The following ZYX variants were observed in gnomAD, a reference collection of about 807,000 sequenced individuals.
The protein encoded by ZYX is zyxin.
In ZYX, 37 loss-of-function variants were observed where a neutral mutation model predicts 58.1. The ratio of observed to expected loss-of-function variants is 0.64; its 90% CI spans 0.49 to 0.84. The LOEUF (loss-of-function observed/expected upper bound fraction) is 0.84, where lower values mean the gene tolerates loss of function less well. Ranked by LOEUF, ZYX falls within the 40% of genes least tolerant of loss-of-function variation. ZYX has a pLI of 0.00. For synonymous variants in ZYX, 324 were observed against 321.1 expected, an observed-to-expected ratio of 1.01 and a Z score of -0.10; for missense variants, 762 against 761.6, an observed-to-expected ratio of 1.00 and a Z score of -0.01.
intron 2 of ZYX, 46 bp from the exon 3 acceptor site, chr7:143,382,202 A>T (rs1389180819): frequency 1.3e-6 from 2 of 1,508,654 alleles, no homozygotes; most frequent in Non-Finnish European, 1.8e-6. Flanking sequence ...AGCTTGGGTG[A>T]GGGGTAGAGG....
In ZYX at chr7:143,388,617, T is replaced by A. The variant is rs1282717100; in HGVS notation, c.1273T>A (p.Tyr425Asn). The part of the protein sequence containing the change: ...CAQQLQGQQF[Y>N]SLEGAPYCEG... The stretch of plus-strand genomic sequence containing the variant: ...GCAGCAGCTCCAGGGCCAGCAGTTC[T>A]ACAGTCTGGAGGGGGCGCCGTACTG... The change falls in exon 7 of 10, where the codon TAC becomes AAC. Residue 425 changes from tyrosine (Y) to asparagine (N), a missense_variant. Coordinates refer to ENST00000322764, the MANE Select transcript of ZYX (RefSeq NM_003461.5). The surrounding 1 kb of genome is among the most constrained non-coding windows in gnomAD (Gnocchi z 7.5). 5.0e-6 allele frequency: 8 copies of A among 1,613,458 alleles called. No individual in the cohort carries two copies. The South Asian group carries it at 7.7e-5, about 15-fold the overall frequency.
At position 143,385,660 on chromosome 7, in the gene ZYX, C is replaced by CTTTTTTTTTTTTTTTTTTTTTTTTTT. The variant is rs59995035; in HGVS notation, c.1023+2339_1023+2364dup. 2.2e-4 allele frequency among the ~76,000 whole-genome samples: 15 copies of CTTTTTTTTTTTTTTTTTTTTTTTTTT among 68,964 alleles called. 1 individual carries two copies. The highest frequency in any genetic ancestry group is 9.5e-4 in the Admixed American group (4 of 4,202). The allele number at this position is 68,964 out of a possible 152,430, so 45.2% of individuals were successfully genotyped here. On this transcript the variant is annotated intron_variant, in intron 5 of 9. Transcript: ENST00000322764. The stretch of plus-strand genomic sequence containing the variant: ...TGTGTGAGCGTGTGGTGTGGTATAT[C>CTTTTTTTTTTTTTTTTTTTTTTTTTT]TTTTTTTTTTTTTTTTTTTTTTTTT...
Position 143,389,822 on chromosome 7 carries a change from T to C in ZYX, c.1494-35T>C, listed in dbSNP as rs1347739865. ...GTGCGCACACCGGGGATGAAAGCCC[T>C]GGCTAACTCGGCTGGCCCTTTCTGC... On this transcript the variant is annotated intron_variant, in intron 8 of 9. Coordinates refer to ENST00000322764, the MANE Select transcript of ZYX (RefSeq NM_003461.5). This position sits in a 1 kb window ranked among gnomAD's most constrained non-coding sequence, Gnocchi z 5.6. 2.5e-6 allele frequency: 4 copies of C among 1,611,408 alleles called. No individual in the cohort carries two copies. The Admixed American group carries it at 6.7e-5, about 27-fold the overall frequency.
Position 143,388,722 on chromosome 7 carries a change from G to A in ZYX, c.1315-45G>A, listed in dbSNP as rs747414710. On this transcript the variant is annotated intron_variant, in intron 7 of 9. Coordinates refer to ENST00000322764, the MANE Select transcript of ZYX (RefSeq NM_003461.5). This position sits in a 1 kb window ranked among gnomAD's most constrained non-coding sequence, Gnocchi z 7.5. ...GGCAGTCGGGCCCTGGAAGCTTGCT[G>A]TGGGGTGCCGGTTCCCTGCCAACCT... 1.9e-6 allele frequency: 3 copies of A among 1,610,082 alleles called. No homozygotes were observed. Among genetic ancestry groups the A allele is most frequent in the Non-Finnish European group, 2.5e-6 (3 of 1,177,450 alleles).
chr7:143,382,507 CCTTT>C, intron 3 of ZYX, 60 bp downstream of exon 3: 1 of 1,580,946 alleles, frequency 6.3e-7, no homozygotes, highest in South Asian at 1.1e-5. Flanking sequence ...AGAAGAGGGC[CCTTT>C]CTTCTTACCT....
At chr7:143,386,276 C>G (rs190277418) in intron 5 of ZYX, among the ~76,000 whole-genome samples, 1 of 151,786 alleles carries the variant, frequency 6.6e-6, no homozygotes, top group Non-Finnish European at 1.5e-5. Flanking sequence ...ATGTCTCCTC[C>G]CCCAGAGGCA....
rs766453615 is a variant in ZYX at position 143,383,196 on chromosome 7, C to T, written c.897C>T (p.Pro299=). 102 of 1,614,070 alleles carry T rather than the reference C, an allele frequency of 6.3e-5. No homozygotes were observed. Among genetic ancestry groups the T allele is most frequent in the Middle Eastern group, 1.6e-4 (1 of 6,084 alleles). The change falls in exon 5 of 10, where the codon CCC becomes CCT. Residue 299 remains proline, a synonymous_variant. Transcript: ENST00000322764. ...GSQPNQKLGH[P]EALSAGTGSP... is the part of the protein sequence containing the mutation. ...AACCAAATCAAAAATTGGGGCACCCCGAAGCTCTTTCTGCTGGCACAGGCT... is the reference window on the plus strand; with the variant it reads ...AACCAAATCAAAAATTGGGGCACCCTGAAGCTCTTTCTGCTGGCACAGGCT...
At chr7:143,386,785 G>A (rs1258697394) in intron 5 of ZYX, among the ~76,000 whole-genome samples, 8 of 152,144 alleles carry the variant, frequency 5.3e-5, no homozygotes, top group African/African-American at 1.9e-4. Context: ...GGCAGATAAT[G>A]GCTGGCAAGA....
At position 143,389,491 on chromosome 7, in the gene ZYX, T is replaced by G. The variant is rs906490134; in HGVS notation, c.1494-366T>G. On this transcript the variant is annotated intron_variant, in intron 8 of 9. Coordinates refer to ENST00000322764, the MANE Select transcript of ZYX (RefSeq NM_003461.5). The surrounding 1 kb of genome is among the most constrained non-coding windows in gnomAD (Gnocchi z 5.6). ...ACAGTCAGGGCAGAGGCAACGTGCA[T>G]GGGGGTGGGAGGATTGGGGGAAGGT... is the stretch of plus-strand genomic sequence containing the variant. Among the ~76,000 whole-genome samples, 1 of 150,984 alleles carries G rather than the reference T, an allele frequency of 6.6e-6. No individual in the cohort carries two copies. Among genetic ancestry groups the G allele is most frequent in the Non-Finnish European group, 1.5e-5 (1 of 67,742 alleles).
In ZYX at chr7:143,390,534, AG is replaced by A; in HGVS notation, c.1615-40del. On this transcript the variant is annotated intron_variant, in intron 9 of 9. Transcript: ENST00000322764. The surrounding 1 kb of genome is among the most constrained non-coding windows in gnomAD (Gnocchi z 4.3). ...GGGGTGGGGTAGGGTGGAGCAGAGC[AG>A]GGGCCTTCCGGTCCAGTGCCCCTCA... is the stretch of plus-strand genomic sequence containing the variant. 7.0e-7 allele frequency: 1 copy of A among 1,426,100 alleles called. No individual in the cohort carries two copies. Among genetic ancestry groups the A allele is most frequent in the Non-Finnish European group, 9.7e-7 (1 of 1,034,288 alleles). The allele number at this position is 1,426,100 out of a possible 1,614,324, so 88.3% of individuals were successfully genotyped here.
Position 143,388,154 on chromosome 7 carries a change from C to T in ZYX, c.1024-65C>T, listed in dbSNP as rs1422660889. On this transcript the variant is annotated intron_variant, in intron 5 of 9. Transcript: ENST00000322764. The surrounding 1 kb of genome is among the most constrained non-coding windows in gnomAD (Gnocchi z 7.5). ...GCCTCATCGGAAGAAGCCGGGTAGG[C>T]TGGCCTGGGAAGGTTCTTGGAGGCA... 8.5e-6 allele frequency: 13 copies of T among 1,526,264 alleles called. No individual in the cohort carries two copies. The South Asian group carries it at 9.9e-5, about 12-fold the overall frequency. 94.5% of individuals were successfully genotyped at this position (1,526,264 alleles called of 1,614,324 possible).
Position 143,381,778 on chromosome 7 carries a change from A to G in ZYX, c.207A>G (p.Glu69=). ...GCGAGATTCCCCCGCCGCCCCCGGAAGGTATGCGGCGGGGCTTGGGGAATG... is the reference window on the plus strand; with the variant it reads ...GCGAGATTCCCCCGCCGCCCCCGGAGGGTATGCGGCGGGGCTTGGGGAATG... ...RVGEIPPPPP[E]DFPLPPPPLA... The change falls in exon 2 of 10, where the codon GAA becomes GAG. Residue 69 remains glutamate (E), a splice_region_variant and synonymous_variant. Coordinates refer to ENST00000322764, the MANE Select transcript of ZYX (RefSeq NM_003461.5). 1 of 1,568,366 alleles carries G rather than the reference A, an allele frequency of 6.4e-7. No homozygotes were observed. Among genetic ancestry groups the G allele is most frequent in the Non-Finnish European group, 8.6e-7 (1 of 1,157,504 alleles).
rs1470775473 is a variant in ZYX at position 143,390,168 on chromosome 7, C to A, written c.1614+191C>A. The A allele has an allele frequency of 1.4e-6, 1 of 731,940 alleles. No homozygotes were observed. Among genetic ancestry groups the A allele is most frequent in the Non-Finnish European group, 2.2e-6 (1 of 460,590 alleles). The allele number at this position is 731,940 out of a possible 1,614,324, so 45.3% of individuals were successfully genotyped here. A position where few individuals can be genotyped will look rare whatever the true frequency, so the allele number is the denominator to read the frequency against. On this transcript the variant is annotated intron_variant, in intron 9 of 9. Coordinates refer to ENST00000322764, the MANE Select transcript of ZYX (RefSeq NM_003461.5). This position sits in a 1 kb window ranked among gnomAD's most constrained non-coding sequence, Gnocchi z 4.3. ...CACTGCAGGAAATGGGGCTGTGGGG[C>A]TTCTGAGGTCACTTTGAGTCATGGA...
Position 143,388,427 on chromosome 7 carries a change from C to G in ZYX, c.1145-62C>G. 1 of 1,604,276 alleles carries G rather than the reference C, an allele frequency of 6.2e-7. No individual in the cohort carries two copies. Among genetic ancestry groups the G allele is most frequent in the South Asian group, 1.1e-5 (1 of 90,468 alleles). ...TGGCTCCACTCCCTATCTGAGCTGG[C>G]TGATCCCTCGCAGCTCTACATACTT... On this transcript the variant is annotated intron_variant, in intron 6 of 9. Transcript: ENST00000322764. This position sits in a 1 kb window ranked among gnomAD's most constrained non-coding sequence, Gnocchi z 7.5.
chr7:143,388,825 C>T lies in ZYX; in HGVS notation c.1373C>T (p.Ala458Val). Reference sequence around the variant, plus strand: ...CCCATCACTGACCGCATGCTGAGGGCCACGGGCAAGGCCTATCACCCGCAC... The same window carrying T: ...CCCATCACTGACCGCATGCTGAGGGTCACGGGCAAGGCCTATCACCCGCAC... ...GEPITDRMLR[A>V]TGKAYHPHCF... The change falls in exon 8 of 10, where the codon GCC (alanine) becomes GTC (valine). Residue 458 changes from alanine to valine, a missense_variant. By Grantham distance (64) the Ala-to-Val change is moderately conservative (BLOSUM62 0). Transcript: ENST00000322764. The surrounding 1 kb of genome is among the most constrained non-coding windows in gnomAD (Gnocchi z 7.5). 6.2e-7 allele frequency: 1 copy of T among 1,614,078 alleles called. No homozygotes were observed. Among genetic ancestry groups the T allele is most frequent in the Non-Finnish European group, 8.5e-7 (1 of 1,179,980 alleles).
Position 143,383,102 on chromosome 7 carries a change from C to A in ZYX, c.803C>A (p.Pro268Gln). 1 of 1,614,222 alleles carries A rather than the reference C, an allele frequency of 6.2e-7. No homozygotes were observed. Residue 268 changes from proline (P) to glutamine (Q), a missense_variant, in exon 5 of 10, where the codon CCA becomes CAA. Transcript: ENST00000322764. ...SSPAPAPKFS[P>Q]VTPKFTPVAS... is the part of the protein sequence containing the mutation. ...CCGGCTCCAGCCCCTAAGTTTTCTCCAGTGACTCCTAAGTTTACTCCTGTG... is the reference window on the plus strand; with the variant it reads ...CCGGCTCCAGCCCCTAAGTTTTCTCAAGTGACTCCTAAGTTTACTCCTGTG...
intron 5 of ZYX, among the ~76,000 whole-genome samples, chr7:143,385,864 C>T (rs902432493): frequency 3.3e-5 from 5 of 151,546 alleles, no homozygotes; most frequent in Admixed American, 6.6e-5. Flanking sequence ...AGGCTGGTCT[C>T]GAACTCCTGA....
At chr7:143,381,931 C>A in intron 2 of ZYX, 152 bp downstream of exon 2, 1 of 831,048 alleles carries the variant, frequency 1.2e-6, no homozygotes, top group Non-Finnish European at 1.8e-6. Flanking sequence ...CATCGTGGAG[C>A]TCGTGGCTGG....
chr7:143,383,891 TC>T (rs1266454586), intron 5 of ZYX, among the ~76,000 whole-genome samples: 1 of 152,198 alleles, frequency 6.6e-6, no homozygotes, highest in Non-Finnish European at 1.5e-5. Flanking sequence ...AATTCTTGGC[TC>T]AGCTTCTCCC....
Sources: allele counts gnomAD v4.1 joint callset (sites outside exome capture counted in the v4.1 genomes callset), GRCh38; gene constraint gnomAD v4.1.1; non-coding constraint Gnocchi (gnomAD v3.1); transcripts MANE v1.5; gene names NCBI Gene and HGNC (gene_info 2026-07-23, HGNC 2026-07-21).